PRKCH: variants seen among roughly 807,000 people sequenced by gnomAD.
The protein encoded by PRKCH is protein kinase C eta, also known as protein kinase C eta type.
Under a neutral mutation model 82.5 loss-of-function variants are expected in PRKCH, and 28 were observed. The ratio of observed to expected loss-of-function variants is 0.34; its 90% CI spans 0.25 to 0.47. The LOEUF (loss-of-function observed/expected upper bound fraction) is 0.47. PRKCH is among the 20% of genes least tolerant of loss of function. The probability of loss-of-function intolerance (pLI) is 1.00; values close to 1 mark genes in which losing one functional copy is unlikely to be tolerated. For synonymous variants in PRKCH, 322 were observed against 327.4 expected (o/e 0.98, Z 0.18); for missense variants, 705 against 881.8 (o/e 0.80, Z 2.54).
Position 61,287,086 on chromosome 14 carries a change from A to T in PRKCH, c.-19+99418A>T, listed in dbSNP as rs1278085376. On this transcript the variant is annotated intron_variant, in intron 1 of 3. Transcript: ENST00000555185. ...CCAGGTGTGGTGGCATGCACCTGTG[A>T]TCCCAGCTACTTGGAAGTTGAGGCA... is the stretch of plus-strand genomic sequence containing the variant. 2.0e-5 allele frequency among the ~76,000 whole-genome samples: 3 copies of T among 150,646 alleles called. No homozygotes were observed. In the East Asian group the frequency reaches 6.0e-4, roughly 30 times the overall value.
intron 2 of PRKCH, among the ~76,000 whole-genome samples, chr14:61,413,180 G>A (rs372812363): frequency 5.3e-5 from 8 of 151,904 alleles, no homozygotes; most frequent in Non-Finnish European, 7.4e-5. Flanking sequence ...CTCCTGCTTC[G>A]CTCTTGCCCA....
chr14:61,468,945 A>G (rs1885380775), intron 9 of PRKCH, among the ~76,000 whole-genome samples: 1 of 152,086 alleles, frequency 6.6e-6, no homozygotes, highest in African/African-American at 2.4e-5. Context: ...AGTTATAGAT[A>G]CTCTGGCTTC....
At chr14:61,390,485 A>G (rs112897182) in intron 1 of PRKCH, among the ~76,000 whole-genome samples, 3 of 152,186 alleles carry the variant, frequency 2.0e-5, no homozygotes, top group Non-Finnish European at 4.4e-5. Flanking sequence ...AGCCTGGCCA[A>G]CATGGTGAAA....
intron 2 of PRKCH, among the ~76,000 whole-genome samples, chr14:61,392,169 CT>C (rs1343411987): frequency 7.2e-5 from 11 of 151,726 alleles, no homozygotes; most frequent in Admixed American, 7.2e-4. Flanking sequence ...TCTTGGTGGA[CT>C]TTTGGGGTTT....
intron 1 of PRKCH, among the ~76,000 whole-genome samples, chr14:61,332,502 A>G (rs1315641804): frequency 6.6e-6 from 1 of 152,266 alleles, no homozygotes; most frequent in Admixed American, 6.5e-5. Context: ...TTGATTGCGT[A>G]TAAGTTTTAC....
intron 10 of PRKCH, among the ~76,000 whole-genome samples, chr14:61,501,729 CTTTAA>C (rs886074985): frequency 6.6e-6 from 1 of 152,158 alleles, no homozygotes; most frequent in Non-Finnish European, 1.5e-5. Flanking sequence ...AGCAGTGTCA[CTTTAA>C]TTTAATTTTA....
Position 61,322,161 on chromosome 14 carries a change from G to A in PRKCH, c.60G>A (p.Val20=), listed in dbSNP as rs1399340044. ...GYLRVRIGEA[V]GLQPTRWSLR... ...TGAGGGTCCGCATCGGTGAGGCAGTGGGGCTGCAGCCCACCCGCTGGTCCC... is the reference window on the plus strand; with the variant it reads ...TGAGGGTCCGCATCGGTGAGGCAGTAGGGCTGCAGCCCACCCGCTGGTCCC... The change falls in exon 1 of 14, where the codon GTG becomes GTA. Residue 20 remains valine, a synonymous_variant. Transcript: ENST00000332981. 1.2e-6 allele frequency: 2 copies of A among 1,609,546 alleles called. No homozygotes were observed. Among genetic ancestry groups the A allele is most frequent in the Admixed American group, 3.4e-5 (2 of 59,600 alleles).
chr14:61,546,151 T>C (rs1105493), intron 12 of PRKCH, among the ~76,000 whole-genome samples: 147,683 of 152,322 alleles, frequency 0.97, 71,753 homozygotes, highest in East Asian at 1. Context: ...AAGCATTTTC[T>C]CCCTTCCTGC....
chr14:61,537,390 G>C (rs1160344388), intron 12 of PRKCH: 1 of 152,158 alleles, frequency 6.6e-6, no homozygotes, highest in Non-Finnish European at 1.5e-5. Flanking sequence ...TATACTACCT[G>C]TTTTCTGGTG....
chr14:61,343,515 C>T (rs907045313), intron 1 of PRKCH, among the ~76,000 whole-genome samples: 1 of 152,104 alleles, frequency 6.6e-6, no homozygotes, highest in African/African-American at 2.4e-5. Context: ...TGTTCTGGAG[C>T]TGTGATAGAA....
At chr14:61,394,395 A>ATTTT (rs1474151964) in intron 2 of PRKCH, among the ~76,000 whole-genome samples, 1 of 152,198 alleles carries the variant, frequency 6.6e-6, no homozygotes, top group African/African-American at 2.4e-5. Flanking sequence ...AAATAAAATC[A>ATTTT]ATGTAGTATT....
intron 1 of PRKCH, among the ~76,000 whole-genome samples, chr14:61,234,807 C>T (rs2044774132): frequency 6.6e-6 from 1 of 152,218 alleles, no homozygotes; most frequent in African/African-American, 2.4e-5. Flanking sequence ...AAGACCCATT[C>T]GTAGCCCCTC....
intron 1 of PRKCH, among the ~76,000 whole-genome samples, chr14:61,354,727 A>G (rs1276232452): frequency 1.4e-4 from 21 of 152,104 alleles, no homozygotes; most frequent in Admixed American, 1.3e-3. Flanking sequence ...TGAGGCCTTT[A>G]TGTATTCCCC....
At chr14:61,259,053 C>T (rs1326168476) in intron 1 of PRKCH, among the ~76,000 whole-genome samples, 1 of 152,128 alleles carries the variant, frequency 6.6e-6, no homozygotes, top group South Asian at 2.1e-4. Flanking sequence ...TCTTCCTGCC[C>T]CAAAGGAATG....
intron 1 of PRKCH, among the ~76,000 whole-genome samples, chr14:61,195,013 C>T (rs755762984): frequency 4.6e-5 from 7 of 152,202 alleles, no homozygotes; most frequent in Non-Finnish European, 7.3e-5. Flanking sequence ...AGATTACAGG[C>T]GTGAGCCACT....
intron 1 of PRKCH, among the ~76,000 whole-genome samples, chr14:61,237,242 C>CAAAAAAAAAA (rs567714882): frequency 1.1e-5 from 1 of 93,710 alleles, no homozygotes. Context: ...GACTCTGTTT[C>CAAAAAAAAAA]AAAAAAAAAA....
At chr14:61,275,524 A>G (rs1486020351) in intron 1 of PRKCH, among the ~76,000 whole-genome samples, 1 of 152,230 alleles carries the variant, frequency 6.6e-6, no homozygotes, top group Non-Finnish European at 1.5e-5. Context: ...GGTTCTTGAC[A>G]GTAATACCTT....
intron 1 of PRKCH, among the ~76,000 whole-genome samples, chr14:61,222,262 A>G (rs1291324389): frequency 1.3e-5 from 2 of 152,168 alleles, no homozygotes; most frequent in East Asian, 1.9e-4. Flanking sequence ...TGATTTTCAT[A>G]AGGAAATCTT....
chr14:61,472,120 T>C (rs906992525), intron 9 of PRKCH, among the ~76,000 whole-genome samples: 1 of 152,138 alleles, frequency 6.6e-6, no homozygotes, highest in Non-Finnish European at 1.5e-5. Flanking sequence ...GTCTGTTTAA[T>C]GTGAGTGAGG....
Sources: allele counts gnomAD v4.1 joint callset (sites outside exome capture counted in the v4.1 genomes callset), GRCh38; gene constraint gnomAD v4.1.1; transcripts MANE v1.5; gene names NCBI Gene and HGNC (gene_info 2026-07-23, HGNC 2026-07-21).